Variants in PLEKHG3 observed in about 807,000 individuals in gnomAD.
PLEKHG3 encodes pleckstrin homology domain-containing family G member 3.
Under a neutral mutation model 94.9 loss-of-function variants are expected in PLEKHG3, and 62 were observed. That is an observed-to-expected ratio of 0.65 (90% CI 0.53 to 0.81). The LOEUF is 0.81. PLEKHG3 is among the 30% of genes least tolerant of loss of function. The pLI is 0.00. For missense variants in PLEKHG3, 1,461 were observed against 1,619.3 expected, an observed-to-expected ratio of 0.90 and a Z score of 1.68; for synonymous variants, 614 against 654.0, an observed-to-expected ratio of 0.94 and a Z score of 0.93.
rs1362763337 is a variant in PLEKHG3 at position 64,737,390 on chromosome 14, G to A, written c.1404+15G>A. 1.9e-6 allele frequency: 3 copies of A among 1,577,136 alleles called. No individual in the cohort carries two copies. The highest frequency in any genetic ancestry group is 2.6e-6 in the Non-Finnish European group (3 of 1,160,294). The stretch of plus-strand genomic sequence containing the variant: ...CAGGAATGAAGGTAAAGGCCAGTGG[G>A]AGGAGGGGACTGGCTGACAGAGGAG... On this transcript the variant is annotated intron_variant, in intron 14 of 16. Transcript: ENST00000247226.
intron 16 of PLEKHG3, 83 bp from the exon 17 acceptor site, chr14:64,742,899 G>A (rs964620133): frequency 5.1e-6 from 7 of 1,374,914 alleles, no homozygotes; most frequent in African/African-American, 1.4e-5. Flanking sequence ...TGCCTGGAAA[G>A]TGAGTTGGGG....
In PLEKHG3 at chr14:64,716,442, A is replaced by ACG. The variant is rs2081147980; in HGVS notation, c.-39-11150_-39-11149insGC. Among the ~76,000 whole-genome samples the ACG allele has an allele frequency of 1.5e-5, 2 of 132,458 alleles. No individual in the cohort carries two copies. The highest frequency in any genetic ancestry group is 7.3e-5 in the Admixed American group (1 of 13,696). The allele number at this position is 132,458 out of a possible 152,430, so 86.9% of individuals were successfully genotyped here. A position where few individuals can be genotyped will look rare whatever the true frequency, so the allele number is the denominator to read the frequency against. On this transcript the variant is annotated intron_variant, in intron 1 of 16. Coordinates refer to ENST00000247226, the MANE Select transcript of PLEKHG3 (RefSeq NM_001308147.2). The surrounding 1 kb of genome is among the most constrained non-coding windows in gnomAD (Gnocchi z 5.0). ...GAAGGTCATGTAGGGCCCTACACAC[A>ACG]CACACACACACACACACACACACAA...
chr14:64,719,049 C>A (rs2081218205), intron 1 of PLEKHG3, among the ~76,000 whole-genome samples: 1 of 152,160 alleles, frequency 6.6e-6, no homozygotes, highest in African/African-American at 2.4e-5. Context: ...CTTAATACTT[C>A]ATTTCTTGGC....
In PLEKHG3 at chr14:64,725,143, G is replaced by C. The variant is rs1484242221; in HGVS notation, c.-39-2450G>C. On this transcript the variant is annotated intron_variant, in intron 1 of 16. Coordinates refer to ENST00000247226, the MANE Select transcript of PLEKHG3 (RefSeq NM_001308147.2). The surrounding 1 kb of genome is among the most constrained non-coding windows in gnomAD (Gnocchi z 5.0). ...CCTCTTACAGTGGGATCCCCAGAGA[G>C]GGACCCTCAAAAGGTCCCTTTTAGA... 6.6e-6 allele frequency among the ~76,000 whole-genome samples: 1 copy of C among 152,212 alleles called. No homozygotes were observed. The highest frequency in any genetic ancestry group is 1.9e-4 in the East Asian group (1 of 5,196).
Position 64,743,790 on chromosome 14 carries a change from C to G in PLEKHG3, c.*87C>G. ...CCCCTCAAGCCTGGGCTCATGGAGC[C>G]CCTGCCCAGGGCCCTCAGGTGGGCG... is the stretch of plus-strand genomic sequence containing the variant. On this transcript the variant is annotated 3_prime_UTR_variant, in exon 17 of 17. Coordinates refer to ENST00000247226, the MANE Select transcript of PLEKHG3 (RefSeq NM_001308147.2). The surrounding 1 kb of genome is among the most constrained non-coding windows in gnomAD (Gnocchi z 7.2). 1.4e-6 allele frequency: 2 copies of G among 1,416,074 alleles called. No individual in the cohort carries two copies. Among genetic ancestry groups the G allele is most frequent in the Non-Finnish European group, 1.9e-6 (2 of 1,071,338 alleles). The allele number at this position is 1,416,074 out of a possible 1,614,324, so 87.7% of individuals were successfully genotyped here.
rs371814195 is a variant in PLEKHG3, at chr14:64,749,480, G to C, written c.*5777G>C. The C allele has an allele frequency of 1.9e-6, 3 of 1,599,538 alleles. No homozygotes were observed. The highest frequency in any genetic ancestry group is 1.7e-6 in the Non-Finnish European group (2 of 1,178,050). The stretch of plus-strand genomic sequence containing the variant: ...GCCAGGACAGCATCTCCTCCTGCGG[G>C]GCGGAGGGTCACGGTGGAGTCTGGA... On this transcript the variant is annotated 3_prime_UTR_variant, in exon 17 of 17. Transcript: ENST00000247226. This position sits in a 1 kb window ranked among gnomAD's most constrained non-coding sequence, Gnocchi z 4.7.
rs1555359440 is a variant in PLEKHG3 at position 64,716,496 on chromosome 14, A to ACCAC, written c.-39-11097_-39-11096insCCAC. Among the ~76,000 whole-genome samples, 13 of 79,498 alleles carry ACCAC rather than the reference A, an allele frequency of 1.6e-4. No individual in the cohort carries two copies. The highest frequency in any genetic ancestry group is 2.0e-4 in the African/African-American group (4 of 19,598). The allele number at this position is 79,498 out of a possible 152,430, so 52.2% of individuals were successfully genotyped here. On this transcript the variant is annotated intron_variant, in intron 1 of 16. Transcript: ENST00000247226. This position sits in a 1 kb window ranked among gnomAD's most constrained non-coding sequence, Gnocchi z 5.0. Reference sequence around the variant, plus strand: ...ACACACACACAACACACACACACACAACACACACACACACACACACACACA... The same window carrying ACCAC: ...ACACACACACAACACACACACACACACCACACACACACACACACACACACACACA...
chr14:64,730,313 G>C lies in PLEKHG3; in HGVS notation c.519+1G>C. On this transcript the variant is annotated splice_donor_variant, in intron 4 of 16. Transcript: ENST00000247226. LOFTEE classifies it high-confidence loss of function. The surrounding 1 kb of genome is among the most constrained non-coding windows in gnomAD (Gnocchi z 5.4). ...TGTGGCCAGCTGCTTTGTGGAAAGG[G>C]TAAGAAGGGCTGGGTCCTTGCCTCT... 1.3e-6 allele frequency: 2 copies of C among 1,528,492 alleles called. No individual in the cohort carries two copies. The highest frequency in any genetic ancestry group is 1.8e-6 in the Non-Finnish European group (2 of 1,139,974). The allele number at this position is 1,528,492 out of a possible 1,614,324, so 94.7% of individuals were successfully genotyped here.
intron 13 of PLEKHG3, 80 bp downstream of exon 13, chr14:64,736,971 T>C: frequency 9.5e-7 from 1 of 1,047,262 alleles, no homozygotes; most frequent in Non-Finnish European, 1.5e-6. Context: ...CAACCTGGGG[T>C]GTGACCTGAG....
intron 1 of PLEKHG3, among the ~76,000 whole-genome samples, chr14:64,705,651 A>G (rs2080959884): frequency 6.6e-6 from 1 of 152,190 alleles, no homozygotes; most frequent in Non-Finnish European, 1.5e-5. Flanking sequence ...GCCCAGTCAC[A>G]TGGCCCTTGC....
Position 64,730,952 on chromosome 14 carries a change from A to G in PLEKHG3, c.717+3A>G, listed in dbSNP as rs1444789875. ...TCAAGTACCACCTGCTGCTCCAGGT[A>G]GCCCCTCGGTCCTCCCAAGCACCTA... is the stretch of plus-strand genomic sequence containing the variant. On this transcript the variant is annotated splice_donor_region_variant and intron_variant, in intron 6 of 16. Transcript: ENST00000247226. This position sits in a 1 kb window ranked among gnomAD's most constrained non-coding sequence, Gnocchi z 5.4. 1.2e-6 allele frequency: 2 copies of G among 1,613,152 alleles called. No individual in the cohort carries two copies. The highest frequency in any genetic ancestry group is 1.1e-5 in the South Asian group (1 of 91,090).
intron 1 of PLEKHG3, among the ~76,000 whole-genome samples, chr14:64,711,704 G>A (rs777012294): frequency 5.9e-5 from 9 of 152,176 alleles, no homozygotes; most frequent in Non-Finnish European, 1.2e-4. Context: ...GAGCCATTGC[G>A]CCCGGCCAAG....
At chr14:64,740,090 T>A (rs1223922618) in intron 15 of PLEKHG3, among the ~76,000 whole-genome samples, 3 of 152,250 alleles carry the variant, frequency 2.0e-5, no homozygotes, top group African/African-American at 7.2e-5. Context: ...TCCCTTTTTT[T>A]ATACAGAGTC....
rs920695747 is a variant in PLEKHG3, at chr14:64,746,277, G to T, written c.*2574G>T. 3.3e-5 allele frequency: 5 copies of T among 152,326 alleles called. No individual in the cohort carries two copies. Among genetic ancestry groups the T allele is most frequent in the Admixed American group, 6.5e-5 (1 of 15,282 alleles). The allele number at this position is 152,326 out of a possible 1,614,324, so 9.4% of individuals were successfully genotyped here. On this transcript the variant is annotated 3_prime_UTR_variant, in exon 17 of 17. Transcript: ENST00000247226. The surrounding 1 kb of genome is among the most constrained non-coding windows in gnomAD (Gnocchi z 4.9). ...AGGCTAGTTAAATAAGAAACTGAGA[G>T]AAACATGGAGCATTATTGATTTATT...
chr14:64,732,313 C>G lies in PLEKHG3; in HGVS notation c.1213-114C>G. On this transcript the variant is annotated intron_variant, in intron 10 of 16. Coordinates refer to ENST00000247226, the MANE Select transcript of PLEKHG3 (RefSeq NM_001308147.2). The surrounding 1 kb of genome is among the most constrained non-coding windows in gnomAD (Gnocchi z 4.9). ...AGTGAGTGTCAGTACAGCAGATGCC[C>G]CGGGCCTTGGTGCAGCACTGTGGGG... 3 of 1,247,162 alleles carry G rather than the reference C, an allele frequency of 2.4e-6. No homozygotes were observed. Among genetic ancestry groups the G allele is most frequent in the Non-Finnish European group, 3.5e-6 (3 of 847,896 alleles). 77.3% of individuals were successfully genotyped at this position (1,247,162 alleles called of 1,614,324 possible).
chr14:64,740,931 C>T, intron 15 of PLEKHG3, 105 bp from the exon 16 acceptor site: 1 of 903,036 alleles, frequency 1.1e-6, no homozygotes, highest in Non-Finnish European at 1.7e-6. Flanking sequence ...TCCTAAACTA[C>T]AGGTCCCTGT....
intron 12 of PLEKHG3, among the ~76,000 whole-genome samples, chr14:64,734,971 CCGCCT>C (rs1245228230): frequency 6.6e-5 from 10 of 152,270 alleles, no homozygotes; most frequent in African/African-American, 2.4e-4. Flanking sequence ...GGTGATCCAC[CCGCCT>C]CGGCCTCACA....
rs770890141 is a variant in PLEKHG3 at position 64,747,408 on chromosome 14, G to A, written c.*3705G>A. On this transcript the variant is annotated 3_prime_UTR_variant, in exon 17 of 17. Transcript: ENST00000247226. ...CTTGGTTTCCCCAGATACAGAAAGA[G>A]GCTGGTGAGTGATACACACTAGGTT... The A allele has an allele frequency of 2.6e-5, 4 of 152,704 alleles. No homozygotes were observed. Among genetic ancestry groups the A allele is most frequent in the Non-Finnish European group, 5.9e-5 (4 of 68,080 alleles). The allele number at this position is 152,704 out of a possible 1,614,324, so 9.5% of individuals were successfully genotyped here.
intron 1 of PLEKHG3, among the ~76,000 whole-genome samples, chr14:64,709,796 T>TA (rs924544779): frequency 2.0e-5 from 3 of 151,940 alleles, no homozygotes; most frequent in African/African-American, 7.3e-5. Flanking sequence ...TATTCTCATA[T>TA]AGCTTCTATT....
Sources: gnomAD v4.1 joint callset for allele counts (sites outside exome capture counted in the v4.1 genomes callset) on GRCh38, gnomAD v4.1.1 for gene constraint, Gnocchi (gnomAD v3.1) non-coding constraint, MANE v1.5 for transcripts, NCBI Gene and HGNC (gene_info 2026-07-23, HGNC 2026-07-21) for gene names.